The following KCNC2 variants were observed in gnomAD, a reference collection of about 807,000 sequenced individuals.
KCNC2 encodes voltage-gated potassium channel KCNC2.
KCNC2 carries 21 observed loss-of-function variants against 44.5 expected under a neutral mutation model. That is an observed-to-expected ratio of 0.47 (90% CI 0.33 to 0.68). The LOEUF (loss-of-function observed/expected upper bound fraction) is 0.68, where lower values mean the gene tolerates loss of function less well. KCNC2 is among the 30% of genes least tolerant of loss of function. The pLI is 0.01. For missense variants in KCNC2, 589 were observed against 826.2 expected (o/e 0.71, Z 3.52); for synonymous variants, 391 against 339.1 (o/e 1.15, Z -1.68).
At chr12:75,091,002 A>C (rs967586529) in intron 2 of KCNC2, among the ~76,000 whole-genome samples, 2 of 151,716 alleles carry the variant, frequency 1.3e-5, no homozygotes, top group African/African-American at 4.8e-5. Flanking sequence ...TTACCTCTAA[A>C]AGCTACTGAG....
At position 75,201,635 on chromosome 12, in the gene KCNC2, T is replaced by C. The variant is rs185670113; in HGVS notation, c.687+5662A>G. Among the ~76,000 whole-genome samples the C allele has an allele frequency of 6.8e-4, 103 of 151,934 alleles. 2 individuals are homozygous for C. Among genetic ancestry groups the C allele is most frequent in the Non-Finnish European group, 3.2e-4 (22 of 67,792 alleles). On this transcript the variant is annotated intron_variant, in intron 2 of 4. Coordinates refer to ENST00000549446, the MANE Select transcript of KCNC2 (RefSeq NM_139137.4). ...AATTCTTTTTCCACATAATATCCAG[T>C]CCTGCTCTGTTCTCCTCCCAACACT...
At chr12:75,193,921 T>A (rs920350842) in intron 2 of KCNC2, among the ~76,000 whole-genome samples, 1 of 151,874 alleles carries the variant, frequency 6.6e-6, no homozygotes. Flanking sequence ...AAAAAGAAAT[T>A]CCATAGAGGG....
intron 2 of KCNC2, among the ~76,000 whole-genome samples, chr12:75,063,155 T>G (rs957903559): frequency 6.6e-6 from 1 of 152,038 alleles, no homozygotes; most frequent in Non-Finnish European, 1.5e-5. Context: ...TTTTGCTATG[T>G]TTGGGTAAGG....
intron 2 of KCNC2, among the ~76,000 whole-genome samples, chr12:75,067,421 T>C (rs1188574660): frequency 6.6e-6 from 1 of 152,132 alleles, no homozygotes; most frequent in Non-Finnish European, 1.5e-5. Context: ...GTACATATAT[T>C]CAACCAACAC....
At chr12:75,186,164 C>T (rs945495981) in intron 2 of KCNC2, among the ~76,000 whole-genome samples, 1 of 151,246 alleles carries the variant, frequency 6.6e-6, no homozygotes, top group Non-Finnish European at 1.5e-5. Context: ...ACAAAAGAGT[C>T]TACAAATCAT....
intron 2 of KCNC2, among the ~76,000 whole-genome samples, chr12:75,063,293 T>A: frequency 6.6e-6 from 1 of 152,074 alleles, no homozygotes; most frequent in East Asian, 1.9e-4. Context: ...GTTAAAATGT[T>A]CAACTCCTAT....
intron 2 of KCNC2, among the ~76,000 whole-genome samples, chr12:75,081,995 C>A (rs980134286): frequency 1.3e-5 from 2 of 151,988 alleles, no homozygotes; most frequent in African/African-American, 2.4e-5. Flanking sequence ...CATACAATCT[C>A]TTGAGAAACA....
intron 4 of KCNC2, among the ~76,000 whole-genome samples, chr12:75,045,119 A>G (rs1358780142): frequency 6.6e-6 from 1 of 152,016 alleles, no homozygotes; most frequent in African/African-American, 2.4e-5. Flanking sequence ...ACTAGACGAT[A>G]AACATTGATT....
chr12:75,160,815 A>T (rs1344325786), intron 2 of KCNC2, among the ~76,000 whole-genome samples: 3 of 151,834 alleles, frequency 2.0e-5, no homozygotes, highest in African/African-American at 7.2e-5. Flanking sequence ...GTGCATTATC[A>T]CAGCTTCACA....
chr12:75,113,325 C>T (rs935653116), intron 2 of KCNC2, among the ~76,000 whole-genome samples: 1 of 152,092 alleles, frequency 6.6e-6, no homozygotes, highest in Admixed American at 6.5e-5. Context: ...TAAAAGACCT[C>T]AATACTATCT....
intron 2 of KCNC2, among the ~76,000 whole-genome samples, chr12:75,092,240 G>A (rs529187623): frequency 6.6e-6 from 1 of 151,604 alleles, no homozygotes; most frequent in Non-Finnish European, 1.5e-5. Flanking sequence ...TCAAAGCCAC[G>A]TGAAAGGCCA....
chr12:75,161,430 G>C (rs887776609), intron 2 of KCNC2, among the ~76,000 whole-genome samples: 1 of 151,620 alleles, frequency 6.6e-6, no homozygotes, highest in Non-Finnish European at 1.5e-5. Flanking sequence ...GTCAAATGTT[G>C]CACTCTGATT....
At chr12:75,061,188 C>T (rs1412312872) in intron 2 of KCNC2, among the ~76,000 whole-genome samples, 4 of 151,984 alleles carry the variant, frequency 2.6e-5, no homozygotes, top group Non-Finnish European at 5.9e-5. Context: ...AAGATTATGG[C>T]CATACCAAAC....
chr12:75,142,980 A>G (rs1030893075), intron 2 of KCNC2, among the ~76,000 whole-genome samples: 1 of 152,156 alleles, frequency 6.6e-6, no homozygotes, highest in African/African-American at 2.4e-5. Flanking sequence ...TCATGATTTA[A>G]CACCAATTAA....
chr12:75,075,403 A>C (rs891402142), intron 2 of KCNC2, among the ~76,000 whole-genome samples: 8 of 150,580 alleles, frequency 5.3e-5, no homozygotes, highest in Admixed American at 4.6e-4. Flanking sequence ...CTTTGGGGAA[A>C]AGTTGAATGT....
chr12:75,136,166 T>A (rs79996272), intron 2 of KCNC2, among the ~76,000 whole-genome samples: 2,213 of 152,062 alleles, frequency 0.015, 45 homozygotes, highest in African/African-American at 0.05. Context: ...TACCGAAACA[T>A]CTGGGATGCC....
chr12:75,195,346 C>A (rs2030670486), intron 2 of KCNC2, among the ~76,000 whole-genome samples: 2 of 151,794 alleles, frequency 1.3e-5, no homozygotes, highest in Admixed American at 1.3e-4. Flanking sequence ...GTAGTTTATA[C>A]AGAAATATAA....
At chr12:75,104,525 A>C (rs1000863976) in intron 2 of KCNC2, among the ~76,000 whole-genome samples, 1 of 152,088 alleles carries the variant, frequency 6.6e-6, no homozygotes, top group South Asian at 2.1e-4. Flanking sequence ...TACCCAAGAG[A>C]AACAATATTA....
At chr12:75,066,670 T>A (rs1882861821) in intron 2 of KCNC2, among the ~76,000 whole-genome samples, 1 of 152,156 alleles carries the variant, frequency 6.6e-6, no homozygotes, top group Non-Finnish European at 1.5e-5. Context: ...TTTCAAGAGA[T>A]CCAATACACT....
Sources: allele counts gnomAD v4.1 joint callset (sites outside exome capture counted in the v4.1 genomes callset), GRCh38; gene constraint gnomAD v4.1.1; transcripts MANE v1.5; gene names NCBI Gene and HGNC (gene_info 2026-07-23, HGNC 2026-07-21).